PTPRD: variants seen among roughly 807,000 people sequenced by gnomAD.
The protein encoded by PTPRD is protein tyrosine phosphatase receptor type D.
Under a neutral mutation model 214.5 loss-of-function variants are expected in PTPRD, and 34 were observed. The ratio of observed to expected loss-of-function variants is 0.16; its 90% CI spans 0.12 to 0.21. The LOEUF is 0.21. Ranked by LOEUF, PTPRD falls within the 10% of genes least tolerant of loss-of-function variation. The pLI is 1.00. For synonymous variants in PTPRD, 1,128 were observed against 845.7 expected (o/e 1.33, Z -5.79); for missense variants, 2,545 against 2,398.7 (o/e 1.06, Z -1.27).
chr9:10,073,649 T>C (rs1262542091), intron 3 of PTPRD, among the ~76,000 whole-genome samples: 3 of 152,072 alleles, frequency 2.0e-5, no homozygotes, highest in African/African-American at 7.2e-5. Context: ...TGCCTTTGAG[T>C]CCAGTGGTCT....
intron 4 of PTPRD, among the ~76,000 whole-genome samples, chr9:9,961,384 T>C (rs1044712317): frequency 4.6e-5 from 7 of 152,122 alleles, no homozygotes; most frequent in Admixed American, 2.0e-4. Flanking sequence ...AATAAATAAG[T>C]GAAATTGAGA....
At chr9:9,529,496 A>C (rs1249360354) in intron 8 of PTPRD, among the ~76,000 whole-genome samples, 1 of 152,208 alleles carries the variant, frequency 6.6e-6, no homozygotes, top group Non-Finnish European at 1.5e-5. Flanking sequence ...TAATGAAGTT[A>C]TATGAATGGA....
At chr9:10,016,989 T>C (rs1445291653) in intron 4 of PTPRD, among the ~76,000 whole-genome samples, 2 of 152,156 alleles carry the variant, frequency 1.3e-5, no homozygotes, top group East Asian at 1.9e-4. Context: ...AGCATTTCTT[T>C]AGGATAGTAA....
At chr9:8,454,905 C>T (rs563471740) in intron 33 of PTPRD, among the ~76,000 whole-genome samples, 1 of 151,806 alleles carries the variant, frequency 6.6e-6, no homozygotes, top group African/African-American at 2.4e-5. Context: ...TTAATTATAT[C>T]CCAGGAAGTG....
intron 3 of PTPRD, among the ~76,000 whole-genome samples, chr9:10,175,742 T>A (rs955246282): frequency 2.6e-5 from 4 of 151,898 alleles, no homozygotes; most frequent in Non-Finnish European, 5.9e-5. Flanking sequence ...ATTAAATTAG[T>A]CAAAGTATGT....
intron 12 of PTPRD, among the ~76,000 whole-genome samples, chr9:8,637,585 C>G (rs2096473121): frequency 6.6e-6 from 1 of 152,200 alleles, no homozygotes; most frequent in African/African-American, 2.4e-5. Context: ...TTTAAATGTT[C>G]CTAACATTCT....
intron 5 of PTPRD, among the ~76,000 whole-genome samples, chr9:9,917,295 C>A (rs1244951302): frequency 8.0e-5 from 5 of 62,880 alleles, no homozygotes; most frequent in African/African-American, 3.2e-4. Flanking sequence ...AAGCCATTAG[C>A]TAGACTGAAA....
At chr9:10,433,621 T>G (rs2098697748) in intron 2 of PTPRD, among the ~76,000 whole-genome samples, 1 of 151,964 alleles carries the variant, frequency 6.6e-6, no homozygotes, top group Admixed American at 6.6e-5. Context: ...TCACCTAATT[T>G]GGAGGGTGTG....
chr9:10,510,723 C>A (rs1470268766), intron 2 of PTPRD, among the ~76,000 whole-genome samples: 1 of 152,096 alleles, frequency 6.6e-6, no homozygotes, highest in African/African-American at 2.4e-5. Context: ...CATTCCAAAT[C>A]TACTCTTCTA....
chr9:10,519,475 T>C (rs563296370), intron 2 of PTPRD, among the ~76,000 whole-genome samples: 3 of 152,242 alleles, frequency 2.0e-5, no homozygotes, highest in Non-Finnish European at 2.9e-5. Flanking sequence ...ACAAAATGTT[T>C]GGCAGAATTT....
At chr9:10,382,795 G>C (rs1433412108) in intron 2 of PTPRD, among the ~76,000 whole-genome samples, 1 of 151,866 alleles carries the variant, frequency 6.6e-6, no homozygotes, top group Non-Finnish European at 1.5e-5. Context: ...TGTCAAGGAA[G>C]ATGGTCCCTG....
intron 3 of PTPRD, among the ~76,000 whole-genome samples, chr9:10,084,365 G>C (rs575074980): frequency 1.3e-4 from 20 of 151,970 alleles, no homozygotes; most frequent in African/African-American, 4.8e-4. Context: ...ACGCCAAACT[G>C]TATATCTGTT....
chr9:9,860,144 G>A (rs915961053), intron 5 of PTPRD, among the ~76,000 whole-genome samples: 1 of 152,182 alleles, frequency 6.6e-6, no homozygotes, highest in Non-Finnish European at 1.5e-5. Flanking sequence ...AATTGGTAAG[G>A]TAAAACTATT....
chr9:9,416,746 C>G (rs1401400613), intron 8 of PTPRD, among the ~76,000 whole-genome samples: 1 of 152,114 alleles, frequency 6.6e-6, no homozygotes, highest in East Asian at 1.9e-4. Flanking sequence ...ATTTGATAGG[C>G]AGGAATACTC....
At chr9:10,602,114 C>G (rs2078127054) in intron 2 of PTPRD, among the ~76,000 whole-genome samples, 1 of 151,680 alleles carries the variant, frequency 6.6e-6, no homozygotes, top group Non-Finnish European at 1.5e-5. Flanking sequence ...TGCATCCCTC[C>G]TAATGTAGGG....
intron 11 of PTPRD, among the ~76,000 whole-genome samples, chr9:8,766,839 G>A (rs1193165718): frequency 6.6e-6 from 1 of 152,140 alleles, no homozygotes; most frequent in African/African-American, 2.4e-5. Context: ...TTCGTGATGT[G>A]TTTGTGACCA....
chr9:10,550,997 C>A (rs2061227000), intron 2 of PTPRD, among the ~76,000 whole-genome samples: 1 of 152,164 alleles, frequency 6.6e-6, no homozygotes, highest in African/African-American at 2.4e-5. Flanking sequence ...AAAACCAGGT[C>A]TCCCTTAATA....
chr9:8,604,423 C>A (rs1417639395), intron 14 of PTPRD, among the ~76,000 whole-genome samples: 1 of 152,100 alleles, frequency 6.6e-6, no homozygotes, highest in Non-Finnish European at 1.5e-5. Context: ...GAAATACAAG[C>A]ACAGCATGAT....
intron 2 of PTPRD, among the ~76,000 whole-genome samples, chr9:10,475,298 G>C (rs546186710): frequency 6.6e-6 from 1 of 152,116 alleles, no homozygotes; most frequent in South Asian, 2.1e-4. Flanking sequence ...AAATGATAAA[G>C]GGGATATCAC....
Sources: allele counts gnomAD v4.1 joint callset (sites outside exome capture counted in the v4.1 genomes callset), GRCh38; gene constraint gnomAD v4.1.1; transcripts MANE v1.5; gene names NCBI Gene and HGNC (gene_info 2026-07-23, HGNC 2026-07-21).